ANAPC2: variants seen among roughly 807,000 people sequenced by gnomAD.
ANAPC2 encodes the protein anaphase promoting complex subunit 2.
In ANAPC2, 29 loss-of-function variants were observed where a neutral mutation model predicts 84.3. The observed-to-expected ratio is 0.34, with a 90% CI of 0.26 to 0.47. The LOEUF is 0.47. ANAPC2 is among the 20% of genes least tolerant of loss of function. The probability of loss-of-function intolerance (pLI) is 1.00; values close to 1 mark genes in which losing one functional copy is unlikely to be tolerated. For missense variants in ANAPC2, 857 were observed against 1,131.7 expected (o/e 0.76, Z 3.48); for synonymous variants, 571 against 479.4 (o/e 1.19, Z -2.50).
At chr9:137,180,622 G>T in intron 8 of ANAPC2, 95 bp from the exon 9 acceptor site, 1 of 1,586,240 alleles carries the variant, frequency 6.3e-7, no homozygotes, top group South Asian at 1.1e-5. Flanking sequence ...AGGCAGAGCA[G>T]GGAGCCTGTG....
At position 137,180,505 on chromosome 9, in the gene ANAPC2, G is replaced by A. The variant is rs111281027; in HGVS notation, c.1633C>T (p.Leu545=). 4 of 1,613,038 alleles carry A rather than the reference G, an allele frequency of 2.5e-6. No homozygotes were observed. The highest frequency in any genetic ancestry group is 3.4e-6 in the Non-Finnish European group (4 of 1,179,930). The part of the protein sequence containing the change: ...PEREIRNVEL[L]KLRFGEAPMH... Reference sequence around the variant, plus strand: ...GGGGCCTCGCCAAAGCGCAGCTTCAGCAGCTCCACGTTGCGGATCTCCCTG... The same window carrying A: ...GGGGCCTCGCCAAAGCGCAGCTTCAACAGCTCCACGTTGCGGATCTCCCTG... Residue 545 remains leucine, a synonymous_variant, in exon 9 of 13, where the codon CTG becomes TTG. Transcript: ENST00000323927.
Position 137,175,766 on chromosome 9 carries a change from C to T in ANAPC2, c.1962G>A (p.Thr654=), listed in dbSNP as rs142990683. The T allele has an allele frequency of 2.8e-5, 45 of 1,611,588 alleles. No homozygotes were observed. The highest frequency in any genetic ancestry group is 3.3e-4 in the Middle Eastern group (2 of 6,078). The change falls in exon 11 of 13, where the codon ACG becomes ACA. Residue 654 remains threonine (T), a synonymous_variant. Coordinates refer to ENST00000323927, the MANE Select transcript of ANAPC2 (RefSeq NM_013366.4). ...GTACTGGGGTGACCGCCACAGACAG[C>T]GTGCGGTCGGCCAGCTCCACGTCCA... ...VTMDVELADR[T]LSVAVTPVQA... is the part of the protein sequence containing the mutation.
intron 10 of ANAPC2, chr9:137,176,061 G>A: frequency 4.0e-6 from 2 of 500,750 alleles, no homozygotes; most frequent in East Asian, 3.4e-5. Flanking sequence ...TCCCGAAAAG[G>A]CTACAGGGGC....
intron 4 of ANAPC2, 135 bp from the exon 5 acceptor site, chr9:137,183,926 AC>A: frequency 8.4e-7 from 1 of 1,192,334 alleles, no homozygotes; most frequent in Non-Finnish European, 1.2e-6. Flanking sequence ...CCTGCTAGGC[AC>A]CAGACATCCC....
In ANAPC2 at chr9:137,175,882, C is replaced by CT. The variant is rs1290529754; in HGVS notation, c.1891-46dup. On this transcript the variant is annotated intron_variant, in intron 10 of 12. Coordinates refer to ENST00000323927, the MANE Select transcript of ANAPC2 (RefSeq NM_013366.4). Reference sequence around the variant, plus strand: ...GCACGGGCAGCTCGGCTGCAGGGCGCTCAGGCCCGTGGGCTCTGCCACCTG... The same window carrying CT: ...GCACGGGCAGCTCGGCTGCAGGGCGCTTCAGGCCCGTGGGCTCTGCCACCTG... 3.2e-6 allele frequency: 5 copies of CT among 1,551,708 alleles called. No homozygotes were observed. The South Asian group carries it at 5.9e-5, about 18-fold the overall frequency.
At chr9:137,186,098 G>T in intron 3 of ANAPC2, 126 bp downstream of exon 3, 1 of 1,378,238 alleles carries the variant, frequency 7.3e-7, no homozygotes, top group Non-Finnish European at 9.9e-7. Context: ...GACAGCTCCA[G>T]CCACCACCCG....
intron 6 of ANAPC2, 142 bp from the exon 7 acceptor site, chr9:137,182,004 A>G (rs1192964657): frequency 1.2e-6 from 1 of 856,566 alleles, no homozygotes; most frequent in Non-Finnish European, 1.7e-6. Flanking sequence ...TGTACTAAAC[A>G]CAGGCCCGTC....
In ANAPC2 at chr9:137,183,668, G is replaced by A. The variant is rs756741822; in HGVS notation, c.1168+4C>T. On this transcript the variant is annotated splice_donor_region_variant and intron_variant, in intron 5 of 12. Coordinates refer to ENST00000323927, the MANE Select transcript of ANAPC2 (RefSeq NM_013366.4). ...GTGCTGGGTGGCCGGGCAGCACACAGCACCTGGATGCAGGAGCCGAGTCTC... is the reference window on the plus strand; with the variant it reads ...GTGCTGGGTGGCCGGGCAGCACACAACACCTGGATGCAGGAGCCGAGTCTC... The A allele has an allele frequency of 3.1e-6, 5 of 1,610,112 alleles. No individual in the cohort carries two copies. In the Admixed American group the frequency reaches 5.0e-5, roughly 16 times the overall value.
intron 11 of ANAPC2, 59 bp from the exon 12 acceptor site, chr9:137,175,531 C>T: frequency 6.7e-7 from 1 of 1,496,092 alleles, no homozygotes; most frequent in Non-Finnish European, 9.0e-7. Flanking sequence ...CCTCCCCTGC[C>T]TCCCGTCAGC....
At chr9:137,179,936 C>A (rs1834305950) in intron 10 of ANAPC2, among the ~76,000 whole-genome samples, 1 of 152,276 alleles carries the variant, frequency 6.6e-6, no homozygotes, top group Non-Finnish European at 1.5e-5. Context: ...GGGCCCAGCA[C>A]AGCCCACCCA....
Position 137,180,344 on chromosome 9 carries a change from T to C in ANAPC2, c.1727A>G (p.Glu576Gly), listed in dbSNP as rs775474061. The change falls in exon 10 of 13, where the codon GAG (glutamate) becomes GGG (glycine). Residue 576 changes from glutamate (E) to glycine (G), a missense_variant. Transcript: ENST00000323927. ...CTCTGCTGGCCGCTTCTCATCCTCC[T>C]CCCGGATGTTGGCATTGATGCGGCG... is the stretch of plus-strand genomic sequence containing the variant. ...DSRRINANIR[E>G]EDEKRPAEEQ... 6.2e-7 allele frequency: 1 copy of C among 1,613,118 alleles called. No homozygotes were observed.
At chr9:137,185,152 TGGGAGGAG>T in intron 3 of ANAPC2, 65 bp from the exon 4 acceptor site, 1 of 1,427,628 alleles carries the variant, frequency 7.0e-7, no homozygotes, top group Non-Finnish European at 9.2e-7. Context: ...ACTCAGAGGC[TGGGAGGAG>T]CCTCACGGCC....
Position 137,188,083 on chromosome 9 carries a change from A to G in ANAPC2, c.138T>C (p.Gly46=), listed in dbSNP as rs1834516817. The change falls in exon 2 of 13, where the codon GGT becomes GGC. Residue 46 remains glycine, a synonymous_variant. Coordinates refer to ENST00000323927, the MANE Select transcript of ANAPC2 (RefSeq NM_013366.4). ...GCTCCTCTTCCTTTGGCGGGACTGC[A>G]CCGCTGGTCCGGGAAGACACCTGGG... ...ALGLVSSRTS[G]AVPPKEEELR... is the part of the protein sequence containing the mutation. The G allele has an allele frequency of 6.2e-7, 1 of 1,612,150 alleles. No individual in the cohort carries two copies. Among genetic ancestry groups the G allele is most frequent in the Non-Finnish European group, 8.5e-7 (1 of 1,179,722 alleles).
intron 2 of ANAPC2, 118 bp from the exon 3 acceptor site, chr9:137,186,474 A>ACC: frequency 7.5e-7 from 1 of 1,331,742 alleles, no homozygotes; most frequent in Non-Finnish European, 1.0e-6. Flanking sequence ...ACACACACAC[A>ACC]CACCCAGCAC....
At position 137,186,130 on chromosome 9, in the gene ANAPC2, C is replaced by T. The variant is rs546290784; in HGVS notation, c.873+94G>A. ...CCCGGTCTGGGCCCACCCAGGCCTC[C>T]GTGCTCTGGATGCTTCTGAAGCCAG... is the stretch of plus-strand genomic sequence containing the variant. On this transcript the variant is annotated intron_variant, in intron 3 of 12. Transcript: ENST00000323927. 1.2e-3 allele frequency: 1,815 copies of T among 1,544,756 alleles called. 4 individuals carry two copies. The highest frequency in any genetic ancestry group is 1.5e-3 in the Non-Finnish European group (1,676 of 1,137,140).
At position 137,175,765 on chromosome 9, in the gene ANAPC2, G is replaced by A; in HGVS notation, c.1963C>T (p.Leu655=). Residue 655 remains leucine (L), a synonymous_variant, in exon 11 of 13, where the codon CTG becomes TTG. Coordinates refer to ENST00000323927, the MANE Select transcript of ANAPC2 (RefSeq NM_013366.4). ...TGTACTGGGGTGACCGCCACAGACAGCGTGCGGTCGGCCAGCTCCACGTCC... is the reference window on the plus strand; with the variant it reads ...TGTACTGGGGTGACCGCCACAGACAACGTGCGGTCGGCCAGCTCCACGTCC... The part of the protein sequence containing the change: ...TMDVELADRT[L]SVAVTPVQAV... The A allele has an allele frequency of 6.2e-7, 1 of 1,611,770 alleles. No individual in the cohort carries two copies. Among genetic ancestry groups the A allele is most frequent in the East Asian group, 2.2e-5 (1 of 44,850 alleles).
At position 137,188,519 on chromosome 9, in the gene ANAPC2, A is replaced by G. The variant is rs142065515; in HGVS notation, c.14T>C (p.Val5Ala). MAAAVVVAEGDSDSR... is the reference protein window; with the variant it reads MAAAAVVAEGDSDSR... Reference sequence around the variant, plus strand: ...GTCGCTGTCCCCCTCCGCCACCACAACTGCCGCCGCCATCTGCACCCACCG... The same window carrying G: ...GTCGCTGTCCCCCTCCGCCACCACAGCTGCCGCCGCCATCTGCACCCACCG... The change falls in exon 1 of 13, where the codon GTT becomes GCT. Residue 5 changes from valine to alanine, a missense_variant. Val to Ala is a moderately conservative substitution (Grantham distance 64). Around this residue, in one of 3 missense-constraint regions of ANAPC2, gnomAD observed 428 missense variants for 513.8 expected, o/e 0.83. Transcript: ENST00000323927. The G allele has an allele frequency of 1.3e-3, 2,064 of 1,608,522 alleles. 3 individuals carry two copies. The highest frequency in any genetic ancestry group is 2.6e-3 in the South Asian group (235 of 90,940).
chr9:137,185,134 C>G, intron 3 of ANAPC2, 47 bp from the exon 4 acceptor site: 1 of 1,461,246 alleles, frequency 6.8e-7, no homozygotes, highest in East Asian at 2.7e-5. Context: ...ATGGTGAGCC[C>G]CGGGCTGACT....
At position 137,186,271 on chromosome 9, in the gene ANAPC2, G is replaced by A. The variant is rs757996814; in HGVS notation, c.826C>T (p.Arg276Cys). The change falls in exon 3 of 13, where the codon CGT (arginine) becomes TGT (cysteine). Residue 276 changes from arginine to cysteine, a missense_variant. Transcript: ENST00000323927. Reference sequence around the variant, plus strand: ...GAGCGCTCGTACTCGCCCCGGCAACGGTCCTCCATCCTCTCCCGGGTCACC... The same window carrying A: ...GAGCGCTCGTACTCGCCCCGGCAACAGTCCTCCATCCTCTCCCGGGTCACC... ...HQVTRERMED[R>C]CRGEYERSFL... is the part of the protein sequence containing the mutation. 4.3e-6 allele frequency: 7 copies of A among 1,612,362 alleles called. No homozygotes were observed. The highest frequency in any genetic ancestry group is 2.2e-5 in the East Asian group (1 of 44,894).
Sources: allele counts gnomAD v4.1 joint callset (sites outside exome capture counted in the v4.1 genomes callset), GRCh38; gene constraint gnomAD v4.1.1; regional missense constraint gnomAD v4.1.1; transcripts MANE v1.5; gene names NCBI Gene and HGNC (gene_info 2026-07-23, HGNC 2026-07-21).